Variants in COX14 observed in about 807,000 individuals in gnomAD.
The protein encoded by COX14 is cytochrome c oxidase assembly protein COX14.
In COX14, 3 loss-of-function variants were observed where a neutral mutation model predicts 5.8. The observed-to-expected ratio is 0.51, with a 90% confidence interval of 0.23 to 1.33. The LOEUF is 1.33. Ranked by LOEUF, COX14 falls within the 40% of genes most tolerant of loss-of-function variation. COX14 has a pLI of 0.18. For missense variants in COX14, 72 were observed against 72.1 expected (o/e 1.00, Z 0.01); for synonymous variants, 25 against 26.1 (o/e 0.96, Z 0.13).
Position 50,120,016 on chromosome 12 carries a change from A to C in COX14, c.-8-20A>C. 2 of 1,609,700 alleles carry C rather than the reference A, an allele frequency of 1.2e-6. No homozygotes were observed. The highest frequency in any genetic ancestry group is 1.7e-4 in the Middle Eastern group (1 of 6,044). On this transcript the variant is annotated intron_variant, in intron 1 of 1. Coordinates refer to ENST00000550487, the MANE Select transcript of COX14 (RefSeq NM_032901.4). ...AGATGAGGCCTTATCCTCAGGTCTA[A>C]ATTCAATCTGTCTTTGTAGGGGACA...
chr12:50,115,510 C>G (rs1029760423), intron 1 of COX14, among the ~76,000 whole-genome samples: 1 of 151,764 alleles, frequency 6.6e-6, no homozygotes, highest in African/African-American at 2.4e-5. Context: ...CCACCGCGCC[C>G]GGCCGAGCAT....
intron 1 of COX14, among the ~76,000 whole-genome samples, chr12:50,116,632 T>G (rs186635546): frequency 1.3e-5 from 2 of 152,306 alleles, no homozygotes; most frequent in East Asian, 3.9e-4. Flanking sequence ...TGAGTAGGAA[T>G]AGCAATAAGT....
rs186302613 is a variant in COX14 at position 50,119,928 on chromosome 12, G to A, written c.-8-108G>A. ...ACATAGGGGCCATTCAGTATAGAGTGCAGACAGACCAAGCAGGATGCAGAA... is the reference window on the plus strand; with the variant it reads ...ACATAGGGGCCATTCAGTATAGAGTACAGACAGACCAAGCAGGATGCAGAA... On this transcript the variant is annotated intron_variant, in intron 1 of 1. Coordinates refer to ENST00000550487, the MANE Select transcript of COX14 (RefSeq NM_032901.4). 5.9e-6 allele frequency: 5 copies of A among 845,652 alleles called. No homozygotes were observed. In the East Asian group the frequency reaches 1.2e-4, roughly 21 times the overall value. The allele number at this position is 845,652 out of a possible 1,614,324, so 52.4% of individuals were successfully genotyped here.
intron 1 of COX14, among the ~76,000 whole-genome samples, chr12:50,118,219 G>A (rs1042938995): frequency 6.6e-6 from 1 of 151,864 alleles, no homozygotes; most frequent in African/African-American, 2.4e-5. Flanking sequence ...GCTACTTTTT[G>A]TATTTTTAGT....
intron 1 of COX14, among the ~76,000 whole-genome samples, chr12:50,118,031 C>T (rs137888544): frequency 3.5e-3 from 495 of 141,252 alleles, no homozygotes; most frequent in Non-Finnish European, 5.5e-3. Flanking sequence ...GCGTGAGCCA[C>T]CATACCTGGC....
intron 1 of COX14, among the ~76,000 whole-genome samples, chr12:50,114,770 ATTTTTTTTTTTTT>A (rs71083507): frequency 8.5e-5 from 6 of 70,648 alleles, no homozygotes; most frequent in East Asian, 6.3e-4. Flanking sequence ...GAGTATCTTA[ATTTTTTTTTTTTT>A]TTTTTTTTTT....
rs1951120807 is a variant in COX14 at position 50,120,453 on chromosome 12, C to G, written c.*236C>G. On this transcript the variant is annotated 3_prime_UTR_variant, in exon 2 of 2. Coordinates refer to ENST00000550487, the MANE Select transcript of COX14 (RefSeq NM_032901.4). ...ACAGACATTAAATAATTTGCTGTGT[C>G]TGTGTCTTGGTGTTTTTTGTTTACC... is the stretch of plus-strand genomic sequence containing the variant. The G allele has an allele frequency of 2.1e-6, 1 of 467,280 alleles. No individual in the cohort carries two copies. The highest frequency in any genetic ancestry group is 3.9e-5 in the Admixed American group (1 of 25,610). The allele number at this position is 467,280 out of a possible 1,614,324, so 28.9% of individuals were successfully genotyped here.
At chr12:50,115,067 G>GTTTTT (rs545838012) in intron 1 of COX14, among the ~76,000 whole-genome samples, 1 of 117,532 alleles carries the variant, frequency 8.5e-6, no homozygotes, top group East Asian at 2.6e-4. Flanking sequence ...TGCCCGGCCG[G>GTTTTT]TTTTTTTTTT....
At chr12:50,117,284 G>A (rs554236462) in intron 1 of COX14, among the ~76,000 whole-genome samples, 1 of 152,174 alleles carries the variant, frequency 6.6e-6, no homozygotes, top group East Asian at 1.9e-4. Flanking sequence ...CCAAAGCATG[G>A]GATTACAAGT....
intron 1 of COX14, 118 bp downstream of exon 1, chr12:50,112,419 G>T: frequency 1.0e-6 from 1 of 985,828 alleles, no homozygotes; most frequent in Non-Finnish European, 1.2e-6. Context: ...TGGTGCCCTT[G>T]AATTCACCCG....
At chr12:50,113,719 G>A (rs1951052434) in intron 1 of COX14, among the ~76,000 whole-genome samples, 1 of 151,860 alleles carries the variant, frequency 6.6e-6, no homozygotes, top group African/African-American at 2.4e-5. Flanking sequence ...TGCAACCTCC[G>A]CCTCCCGGGT....
At chr12:50,118,129 C>T (rs987067890) in intron 1 of COX14, among the ~76,000 whole-genome samples, 12 of 150,976 alleles carry the variant, frequency 7.9e-5, no homozygotes, top group Admixed American at 7.3e-4. Flanking sequence ...TCGCTGCAAC[C>T]TCCGCCTCCC....
chr12:50,117,479 A>G (rs2137943039), intron 1 of COX14, among the ~76,000 whole-genome samples: 1 of 152,226 alleles, frequency 6.6e-6, no homozygotes, highest in South Asian at 2.1e-4. Context: ...CCTCACTGGC[A>G]GGCTTATTGG....
In COX14 at chr12:50,120,314, G is replaced by T. The variant is rs1208954786; in HGVS notation, c.*97G>T. 9.3e-7 allele frequency: 1 copy of T among 1,073,818 alleles called. No individual in the cohort carries two copies. The highest frequency in any genetic ancestry group is 1.3e-6 in the Non-Finnish European group (1 of 745,314). The allele number at this position is 1,073,818 out of a possible 1,614,324, so 66.5% of individuals were successfully genotyped here. A position where few individuals can be genotyped will look rare whatever the true frequency, so the allele number is the denominator to read the frequency against. On this transcript the variant is annotated 3_prime_UTR_variant, in exon 2 of 2. Transcript: ENST00000550487. Reference sequence around the variant, plus strand: ...TCCAGGTCAACAGGACTAGAGCGTTGATGGTTTTCAAACCCTGTTGGAAGA... The same window carrying T: ...TCCAGGTCAACAGGACTAGAGCGTTTATGGTTTTCAAACCCTGTTGGAAGA...
intron 1 of COX14, 35 bp downstream of exon 1, chr12:50,112,336 A>C: frequency 1.0e-6 from 1 of 985,512 alleles, no homozygotes; most frequent in Non-Finnish European, 1.2e-6. Context: ...AGGGGCTGCC[A>C]GTCCCACTGC....
chr12:50,113,958 T>C (rs1951055172), intron 1 of COX14, among the ~76,000 whole-genome samples: 1 of 151,802 alleles, frequency 6.6e-6, no homozygotes, highest in South Asian at 2.1e-4. Flanking sequence ...ATTATTATTA[T>C]TATTTTTAGA....
At position 50,115,911 on chromosome 12, in the gene COX14, C is replaced by T. The variant is rs191498674; in HGVS notation, c.-9+3610C>T. On this transcript the variant is annotated intron_variant, in intron 1 of 1. Transcript: ENST00000550487. ...ATATACAGTGATACATACCTCTTCT[C>T]TTGTTTCTTATTTCTGTTAACAGTA... 1.2e-3 allele frequency among the ~76,000 whole-genome samples: 181 copies of T among 152,210 alleles called. 1 individual carries two copies. The highest frequency in any genetic ancestry group is 4.3e-3 in the African/African-American group (177 of 41,546).
intron 1 of COX14, among the ~76,000 whole-genome samples, chr12:50,115,802 T>A (rs1951076328): frequency 6.6e-6 from 1 of 151,874 alleles, no homozygotes; most frequent in Non-Finnish European, 1.5e-5. Context: ...CCGTCTGTCT[T>A]TGCCTCCCAA....
intron 1 of COX14, among the ~76,000 whole-genome samples, chr12:50,115,516 A>C (rs1235730470): frequency 6.7e-6 from 1 of 149,970 alleles, no homozygotes; most frequent in Non-Finnish European, 1.5e-5. Flanking sequence ...CGCCCGGCCG[A>C]GCATCTTCAT....
Sources: gnomAD v4.1 joint callset for allele counts (sites outside exome capture counted in the v4.1 genomes callset) on GRCh38, gnomAD v4.1.1 for gene constraint, MANE v1.5 for transcripts, NCBI Gene and HGNC (gene_info 2026-07-23, HGNC 2026-07-21) for gene names.